The following THSD4 variants were observed in gnomAD, a reference collection of about 807,000 sequenced individuals.
The protein encoded by THSD4 is thrombospondin type-1 domain-containing protein 4.
Under a neutral mutation model 119.0 loss-of-function variants are expected in THSD4, and 69 were observed. That is an observed-to-expected ratio of 0.58 (90% CI 0.48 to 0.71). THSD4 has a LOEUF of 0.71. Ranked by LOEUF, THSD4 falls within the 30% of genes least tolerant of loss-of-function variation. The probability of loss-of-function intolerance (pLI) is 0.00; values close to 1 mark genes in which losing one functional copy is unlikely to be tolerated. For synonymous variants in THSD4, 524 were observed against 540.4 expected (o/e 0.97, Z 0.42); for missense variants, 1,393 against 1,391.1 (o/e 1.00, Z -0.02).
At chr15:71,543,108 GTAGTT>G (rs886370959) in intron 7 of THSD4, among the ~76,000 whole-genome samples, 1 of 152,142 alleles carries the variant, frequency 6.6e-6, no homozygotes, top group Non-Finnish European at 1.5e-5. Flanking sequence ...ATGTGAGTCT[GTAGTT>G]TAGTTAATAT....
chr15:71,611,199 G>T, intron 7 of THSD4, among the ~76,000 whole-genome samples: 1 of 152,204 alleles, frequency 6.6e-6, no homozygotes, highest in East Asian at 1.9e-4. Flanking sequence ...AAATAGCAGA[G>T]ACAGCCAGTT....
At chr15:71,401,985 A>T (rs1310540999) in intron 6 of THSD4, among the ~76,000 whole-genome samples, 1 of 152,032 alleles carries the variant, frequency 6.6e-6, no homozygotes, top group Non-Finnish European at 1.5e-5. Flanking sequence ...CATCATTCTG[A>T]GCAAACTGTC....
chr15:71,110,347 T>C (rs1283472212), intron 1 of THSD4: 2 of 152,226 alleles, frequency 1.3e-5, no homozygotes, highest in Admixed American at 1.3e-4. Context: ...AAATAAGAAA[T>C]GTTCTTTTTC....
At chr15:71,274,000 G>A (rs2044562145) in intron 6 of THSD4, among the ~76,000 whole-genome samples, 2 of 152,192 alleles carry the variant, frequency 1.3e-5, no homozygotes, top group Non-Finnish European at 2.9e-5. Flanking sequence ...AATTCCAGCA[G>A]GTTTCTCCAT....
intron 6 of THSD4, among the ~76,000 whole-genome samples, chr15:71,286,059 A>G (rs542195072): frequency 2.1e-4 from 32 of 151,938 alleles, no homozygotes; most frequent in South Asian, 4.1e-4. Flanking sequence ...TATTTGTTCT[A>G]CGCATCTTAG....
At chr15:71,364,285 A>C (rs562881342) in intron 6 of THSD4, among the ~76,000 whole-genome samples, 1 of 152,314 alleles carries the variant, frequency 6.6e-6, no homozygotes, top group Admixed American at 6.5e-5. Context: ...GCAAGTCTGG[A>C]CAAGTTTGCT....
At chr15:71,357,429 A>G (rs546837355) in intron 6 of THSD4, among the ~76,000 whole-genome samples, 4 of 152,220 alleles carry the variant, frequency 2.6e-5, no homozygotes, top group African/African-American at 7.2e-5. Flanking sequence ...TGCAGTGTGT[A>G]TTTCAGCAAG....
chr15:71,601,239 CTG>C (rs1286026915), intron 7 of THSD4, among the ~76,000 whole-genome samples: 1 of 152,198 alleles, frequency 6.6e-6, no homozygotes, highest in Non-Finnish European at 1.5e-5. Flanking sequence ...ACACTTCCTG[CTG>C]TGTGTGAGAG....
rs1305071584 is a variant in THSD4, at chr15:71,229,166, G to A, written c.465-13483G>A. Among the ~76,000 whole-genome samples, 3 of 152,192 alleles carry A rather than the reference G, an allele frequency of 2.0e-5. No individual in the cohort carries two copies. The East Asian group carries it at 5.8e-4, about 29-fold the overall frequency. On this transcript the variant is annotated intron_variant, in intron 4 of 17. Transcript: ENST00000261862. Reference sequence around the variant, plus strand: ...ACATTTGTTAATATCTGTTCACACAGACTTAGTAGCTTGGACAGGTTCTTC... The same window carrying A: ...ACATTTGTTAATATCTGTTCACACAAACTTAGTAGCTTGGACAGGTTCTTC...
intron 4 of THSD4, among the ~76,000 whole-genome samples, chr15:71,239,395 G>A (rs963799807): frequency 6.6e-6 from 1 of 152,208 alleles, no homozygotes; most frequent in African/African-American, 2.4e-5. Context: ...TGAAGAAACT[G>A]AGGCATACAA....
intron 6 of THSD4, among the ~76,000 whole-genome samples, chr15:71,323,433 A>G (rs2045299714): frequency 6.6e-6 from 1 of 152,244 alleles, no homozygotes; most frequent in Non-Finnish European, 1.5e-5. Context: ...AGTGAGGCCA[A>G]CTGAAAAGAA....
chr15:71,727,689 G>A (rs980428517), intron 8 of THSD4, among the ~76,000 whole-genome samples: 2 of 146,652 alleles, frequency 1.4e-5, no homozygotes, highest in African/African-American at 5.1e-5. Flanking sequence ...AGGATTCCTT[G>A]AGCCCAGGAG....
chr15:71,313,473 A>AC (rs2045140906), intron 6 of THSD4, among the ~76,000 whole-genome samples: 1 of 152,180 alleles, frequency 6.6e-6, no homozygotes, highest in East Asian at 1.9e-4. Flanking sequence ...GGAATAACAC[A>AC]CACTGGAGCT....
intron 4 of THSD4, among the ~76,000 whole-genome samples, chr15:71,242,274 A>G (rs1027301264): frequency 6.6e-6 from 1 of 152,208 alleles, no homozygotes; most frequent in African/African-American, 2.4e-5. Flanking sequence ...TGAAATTGCA[A>G]TCATATGTTT....
At chr15:71,318,868 C>T (rs1309119176) in intron 6 of THSD4, among the ~76,000 whole-genome samples, 2 of 152,178 alleles carry the variant, frequency 1.3e-5, no homozygotes, top group African/African-American at 2.4e-5. Context: ...GTGGAGAGAA[C>T]ACTGAGCTGA....
At chr15:71,199,957 T>C (rs1384147252) in intron 3 of THSD4, among the ~76,000 whole-genome samples, 1 of 69,924 alleles carries the variant, frequency 1.4e-5, no homozygotes, top group Non-Finnish European at 3.6e-5. Context: ...GTCTGAATTG[T>C]CTGTTGTCTC....
At chr15:71,199,727 AGT>A (rs1257247668) in intron 3 of THSD4, among the ~76,000 whole-genome samples, 5 of 19,830 alleles carry the variant, frequency 2.5e-4, no homozygotes, top group South Asian at 2.1e-3. Context: ...GTGTGTGTGT[AGT>A]GTGTGTGTAG....
In THSD4 at chr15:71,345,977, C is replaced by A. The variant is rs1054922651; in HGVS notation, c.1016-65710C>A. Reference sequence around the variant, plus strand: ...TTCTCATACATAACCACAAAGCAACCATCAGAATCAGGACATTCATATTGA... The same window carrying A: ...TTCTCATACATAACCACAAAGCAACAATCAGAATCAGGACATTCATATTGA... On this transcript the variant is annotated intron_variant, in intron 6 of 17. Coordinates refer to ENST00000261862, the MANE Select transcript of THSD4 (RefSeq NM_024817.3). Among the ~76,000 whole-genome samples, 5 of 152,202 alleles carry A rather than the reference C, an allele frequency of 3.3e-5. No individual in the cohort carries two copies. In the East Asian group the frequency reaches 9.6e-4, roughly 29 times the overall value.
At chr15:71,396,546 G>C (rs1016885117) in intron 6 of THSD4, among the ~76,000 whole-genome samples, 1 of 152,138 alleles carries the variant, frequency 6.6e-6, no homozygotes, top group Non-Finnish European at 1.5e-5. Context: ...AGAAACCCCA[G>C]CCACATCATC....
Sources: allele counts gnomAD v4.1 joint callset (sites outside exome capture counted in the v4.1 genomes callset), GRCh38; gene constraint gnomAD v4.1.1; transcripts MANE v1.5; gene names NCBI Gene and HGNC (gene_info 2026-07-23, HGNC 2026-07-21).